The following NOL4L variants were observed in gnomAD, a reference collection of about 807,000 sequenced individuals.
NOL4L encodes the protein nucleolar protein 4 like.
Under a neutral mutation model 64.5 loss-of-function variants are expected in NOL4L, and 7 were observed. The ratio of observed to expected loss-of-function variants is 0.11; its 90% CI spans 0.06 to 0.20. The LOEUF (loss-of-function observed/expected upper bound fraction) is 0.20, where lower values mean the gene tolerates loss of function less well. Ranked by LOEUF, NOL4L falls within the 10% of genes least tolerant of loss-of-function variation. The pLI, the probability that NOL4L is intolerant of heterozygous loss-of-function variation, is 1.00. For missense variants in NOL4L, 680 were observed against 967.1 expected (o/e 0.70, Z 3.94); for synonymous variants, 413 against 401.0 (o/e 1.03, Z -0.36).
chr20:32,475,059 G>A (rs2015298024), intron 4 of NOL4L: 5 of 985,456 alleles, frequency 5.1e-6, no homozygotes, highest in African/African-American at 3.5e-5. Flanking sequence ...TGAAACAAGC[G>A]CTGTAAACAA....
At chr20:32,571,679 A>T (rs1474887288) in intron 1 of NOL4L, among the ~76,000 whole-genome samples, 1 of 152,060 alleles carries the variant, frequency 6.6e-6, no homozygotes, top group Non-Finnish European at 1.5e-5. Context: ...CCAGCCACCA[A>T]GGCACTCTCT....
rs539005273 is a variant in NOL4L, at chr20:32,515,644, C to T, written c.590-4188G>A. ...GATGGGGGACAAGGTCAGGTGGAAA[C>T]GTGAACAAGGAAGAAGTGGGTTCCT... On this transcript the variant is annotated intron_variant, in intron 3 of 10. Coordinates refer to ENST00000621426, the MANE Select transcript of NOL4L (RefSeq NM_001256798.2). Among the ~76,000 whole-genome samples, 61 of 152,246 alleles carry T rather than the reference C, an allele frequency of 4.0e-4. 1 individual carries two copies. The highest frequency in any genetic ancestry group is 1.0e-3 in the African/African-American group (43 of 41,530).
chr20:32,447,403 CAAAAAAA>C lies in NOL4L; in HGVS notation c.*186_*192del, dbSNP rs386393630. The C allele has an allele frequency of 2.8e-3, 423 of 151,742 alleles. 3 individuals carry two copies. Among genetic ancestry groups the C allele is most frequent in the Middle Eastern group, 8.8e-3 (5 of 570 alleles). The allele number at this position is 151,742 out of a possible 1,614,324, so 9.4% of individuals were successfully genotyped here. A position where few individuals can be genotyped will look rare whatever the true frequency, so the allele number is the denominator to read the frequency against. On this transcript the variant is annotated 3_prime_UTR_variant, in exon 11 of 11. Coordinates refer to ENST00000621426, the MANE Select transcript of NOL4L (RefSeq NM_001256798.2). ...TCAGAGCACCCGTGTGGTGAGATTC[CAAAAAAA>C]AAAAAAAAAAAAAAAAAAAGTGTCC...
chr20:32,471,273 G>A (rs1472310101), intron 5 of NOL4L, among the ~76,000 whole-genome samples: 1 of 151,500 alleles, frequency 6.6e-6, no homozygotes, highest in Non-Finnish European at 1.5e-5. Flanking sequence ...GGGAGTGAGA[G>A]TGGACACTCA....
chr20:32,578,861 G>C (rs1373905085), intron 1 of NOL4L, among the ~76,000 whole-genome samples: 1 of 152,296 alleles, frequency 6.6e-6, no homozygotes, highest in South Asian at 2.1e-4. Flanking sequence ...GGACCTTCCC[G>C]CCCCATGCTT....
intron 5 of NOL4L, among the ~76,000 whole-genome samples, chr20:32,467,604 G>A (rs1041555760): frequency 1.3e-5 from 2 of 152,154 alleles, no homozygotes; most frequent in East Asian, 1.9e-4. Flanking sequence ...GGGGTGGTGC[G>A]CAGGGCTCAG....
intron 1 of NOL4L, among the ~76,000 whole-genome samples, chr20:32,546,866 T>C (rs2018740073): frequency 6.6e-6 from 1 of 152,206 alleles, no homozygotes; most frequent in Admixed American, 6.5e-5. Context: ...ATGGAGGCTG[T>C]CTTGTTCACC....
At chr20:32,556,606 T>G (rs1600871652) in intron 1 of NOL4L, among the ~76,000 whole-genome samples, 1 of 152,340 alleles carries the variant, frequency 6.6e-6, no homozygotes, top group African/African-American at 2.4e-5. Context: ...GAGCAGAGGC[T>G]GGTCCATCTG....
At chr20:32,526,713 G>A (rs540381945) in intron 2 of NOL4L, among the ~76,000 whole-genome samples, 55 of 152,284 alleles carry the variant, frequency 3.6e-4, no homozygotes, top group Admixed American at 3.0e-3. Context: ...CTCAGCTGCC[G>A]TCTGACCTTG....
chr20:32,545,151 T>C (rs1008712702), intron 1 of NOL4L, among the ~76,000 whole-genome samples: 1 of 152,190 alleles, frequency 6.6e-6, no homozygotes, highest in Non-Finnish European at 1.5e-5. Flanking sequence ...TGCCTGCCTG[T>C]AGTCCCAGCT....
At chr20:32,510,013 G>A in intron 4 of NOL4L, 1 of 1,155,358 alleles carries the variant, frequency 8.7e-7, no homozygotes. Context: ...GCTGCACAGT[G>A]GTGCTGGGAT....
At position 32,447,368 on chromosome 20, in the gene NOL4L, T is replaced by A; in HGVS notation, c.*228A>T. On this transcript the variant is annotated 3_prime_UTR_variant, in exon 11 of 11. Transcript: ENST00000621426. ...TTCCAGAGCTGCCCCGTTGGCCTCT[T>A]CCAAGCAGGTCAGAGCACCCGTGTG... is the stretch of plus-strand genomic sequence containing the variant. 1.7e-6 allele frequency: 1 copy of A among 590,744 alleles called. No individual in the cohort carries two copies. Among genetic ancestry groups the A allele is most frequent in the Non-Finnish European group, 2.8e-6 (1 of 359,304 alleles). The allele number at this position is 590,744 out of a possible 1,614,324, so 36.6% of individuals were successfully genotyped here. A position where few individuals can be genotyped will look rare whatever the true frequency, so the allele number is the denominator to read the frequency against.
chr20:32,464,763 T>TA lies in NOL4L; in HGVS notation c.842-8369dup. Reference sequence around the variant, plus strand: ...CTAGTACCCACATTTTAAAAAGTAATAAAGAAACAGGTGAAATCAATTTTA... The same window carrying TA: ...CTAGTACCCACATTTTAAAAAGTAATAAAAGAAACAGGTGAAATCAATTTTA... On this transcript the variant is annotated intron_variant, in intron 5 of 10. Transcript: ENST00000621426. This position sits in a 1 kb window ranked among gnomAD's most constrained non-coding sequence, Gnocchi z 5.6. 2.7e-6 allele frequency: 1 copy of TA among 371,862 alleles called. No homozygotes were observed. Among genetic ancestry groups the TA allele is most frequent in the Non-Finnish European group, 4.8e-6 (1 of 209,866 alleles). 23.0% of individuals were successfully genotyped at this position (371,862 alleles called of 1,614,324 possible).
chr20:32,552,053 G>T (rs528252538), intron 1 of NOL4L, among the ~76,000 whole-genome samples: 1 of 152,238 alleles, frequency 6.6e-6, no homozygotes, highest in African/African-American at 2.4e-5. Context: ...GCCTCCCAAA[G>T]TGCTAGATTA....
chr20:32,454,696 C>T (rs770110208), intron 6 of NOL4L, among the ~76,000 whole-genome samples: 17 of 152,246 alleles, frequency 1.1e-4, no homozygotes, highest in Admixed American at 7.8e-4. Context: ...CCTAAGTACT[C>T]GTTCAGATCG....
At chr20:32,551,946 G>A (rs1169295955) in intron 1 of NOL4L, among the ~76,000 whole-genome samples, 1 of 151,480 alleles carries the variant, frequency 6.6e-6, no homozygotes, top group East Asian at 1.9e-4. Flanking sequence ...ACACCACCAT[G>A]CCCAGCTAAT....
At chr20:32,471,304 C>G (rs939535392) in intron 5 of NOL4L, among the ~76,000 whole-genome samples, 1 of 150,494 alleles carries the variant, frequency 6.6e-6, no homozygotes, top group African/African-American at 2.5e-5. Flanking sequence ...GGCTCAGAGG[C>G]ATGCTCCTGG....
chr20:32,535,177 A>G (rs190820739), intron 1 of NOL4L, among the ~76,000 whole-genome samples: 302 of 152,196 alleles, frequency 2.0e-3, no homozygotes, highest in Non-Finnish European at 3.6e-3. Flanking sequence ...TGTAAAGGGC[A>G]ATCAGGTGAT....
At chr20:32,541,008 T>TATAC (rs2018645153) in intron 1 of NOL4L, among the ~76,000 whole-genome samples, 1 of 133,516 alleles carries the variant, frequency 7.5e-6, no homozygotes, top group African/African-American at 2.8e-5. Flanking sequence ...CGCCACCCCC[T>TATAC]ACACACACAC....
Sources: allele counts gnomAD v4.1 joint callset (sites outside exome capture counted in the v4.1 genomes callset), GRCh38; gene constraint gnomAD v4.1.1; non-coding constraint Gnocchi (gnomAD v3.1); transcripts MANE v1.5; gene names NCBI Gene and HGNC (gene_info 2026-07-23, HGNC 2026-07-21).